MAF: variants seen among roughly 807,000 people sequenced by gnomAD.
MAF encodes transcription factor Maf.
Under a neutral mutation model 22.0 loss-of-function variants are expected in MAF, and 10 were observed. The observed-to-expected ratio is 0.45, with a 90% confidence interval of 0.28 to 0.77. The LOEUF is 0.77. MAF is among the 30% of genes least tolerant of loss of function. MAF has a pLI of 0.12. For synonymous variants in MAF, 337 were observed against 255.8 expected, an observed-to-expected ratio of 1.32 and a Z score of -3.03; for missense variants, 544 against 548.4, an observed-to-expected ratio of 0.99 and a Z score of 0.08.
chr16:79,548,959 G>A, the MAF span, among the ~76,000 whole-genome samples: 1 of 152,150 alleles, frequency 6.6e-6, no homozygotes, highest in East Asian at 1.9e-4. Flanking sequence ...CTGGGATGAT[G>A]ACATCTTCTA....
chr16:79,378,198 T>A, the MAF span, among the ~76,000 whole-genome samples: 2 of 152,154 alleles, frequency 1.3e-5, no homozygotes, highest in African/African-American at 4.8e-5. Context: ...ACAAGAACAT[T>A]TGCAGCAGTA....
the MAF span, among the ~76,000 whole-genome samples, chr16:79,529,560 T>C: frequency 6.6e-6 from 1 of 152,152 alleles, no homozygotes; most frequent in Non-Finnish European, 1.5e-5. Flanking sequence ...CAGAGGGTGT[T>C]TTGGAAGAGT....
At chr16:79,475,627 A>G in the MAF span, among the ~76,000 whole-genome samples, 2 of 152,190 alleles carry the variant, frequency 1.3e-5, no homozygotes, top group African/African-American at 4.8e-5. Flanking sequence ...TTAACTATTC[A>G]TAAGGGTGTG....
chr16:79,439,160 G>A, the MAF span, among the ~76,000 whole-genome samples: 12 of 151,660 alleles, frequency 7.9e-5, no homozygotes, highest in Admixed American at 2.0e-4. Context: ...GTTCATTTAC[G>A]TACCAAGAAT....
At chr16:79,476,435 G>A in the MAF span, among the ~76,000 whole-genome samples, 12 of 152,318 alleles carry the variant, frequency 7.9e-5, no homozygotes, top group African/African-American at 2.9e-4. Context: ...AAATTTTTCT[G>A]CAATAGAAAG....
chr16:79,549,138 A>G, the MAF span, among the ~76,000 whole-genome samples: 1 of 152,234 alleles, frequency 6.6e-6, no homozygotes, highest in Non-Finnish European at 1.5e-5. Flanking sequence ...GCATACATAT[A>G]GTTAATGGGA....
chr16:79,212,361 G>A, the MAF span: 34 of 572,394 alleles, frequency 5.9e-5, no homozygotes, highest in East Asian at 8.6e-4. Context: ...ACACCCAGAG[G>A]GAGTAGAATA....
At chr16:79,504,547 A>C in the MAF span, among the ~76,000 whole-genome samples, 1 of 152,178 alleles carries the variant, frequency 6.6e-6, no homozygotes, top group Non-Finnish European at 1.5e-5. Flanking sequence ...ACAATTACCC[A>C]ATAATTCTTA....
the MAF span, among the ~76,000 whole-genome samples, chr16:79,496,757 G>T: frequency 6.6e-6 from 1 of 152,258 alleles, no homozygotes; most frequent in South Asian, 2.1e-4. Flanking sequence ...ACACACCAGT[G>T]GAAAGAGTAG....
the MAF span, among the ~76,000 whole-genome samples, chr16:79,542,931 G>C: frequency 2.0e-5 from 3 of 152,200 alleles, no homozygotes; most frequent in Non-Finnish European, 4.4e-5. Flanking sequence ...TAATAGTAAA[G>C]AAATTATCCC....
the MAF span, among the ~76,000 whole-genome samples, chr16:79,406,490 G>C: frequency 6.6e-6 from 1 of 152,166 alleles, no homozygotes; most frequent in Non-Finnish European, 1.5e-5. Context: ...CAGGTTCATA[G>C]ATGGTGCCTT....
the MAF span, among the ~76,000 whole-genome samples, chr16:79,223,849 G>A: frequency 6.6e-6 from 1 of 152,152 alleles, no homozygotes; most frequent in Non-Finnish European, 1.5e-5. Flanking sequence ...AACAAGTTCT[G>A]AAATTGAGGG....
the MAF span, chr16:79,206,223 C>A: frequency 2.0e-5 from 3 of 152,254 alleles, no homozygotes; most frequent in African/African-American, 7.2e-5. Context: ...CATGGCCAGA[C>A]ATGGCCTGGC....
chr16:79,206,464 A>C, the MAF span: 2 of 152,208 alleles, frequency 1.3e-5, no homozygotes, highest in Admixed American at 1.3e-4. Context: ...AAATAAATGG[A>C]AATACTAACT....
At chr16:79,595,034 C>T in intron 1 of MAF, 1 of 1,055,454 alleles carries the variant, frequency 9.5e-7, no homozygotes, top group Non-Finnish European at 1.1e-6. Context: ...AGAATGTTTG[C>T]CTAAAATCTT....
In MAF at chr16:79,600,015, G is replaced by A. The variant is rs1431818470; in HGVS notation, c.-113C>T. 5 of 1,470,688 alleles carry A rather than the reference G, an allele frequency of 3.4e-6. No individual in the cohort carries two copies. Among genetic ancestry groups the A allele is most frequent in the African/African-American group, 2.8e-5 (2 of 71,862 alleles). 91.1% of individuals were successfully genotyped at this position (1,470,688 alleles called of 1,614,324 possible). On this transcript the variant is annotated 5_prime_UTR_variant, in exon 1 of 2. Coordinates refer to ENST00000326043, the MANE Select transcript of MAF (RefSeq NM_005360.5). ...GTGAGCCAGCTTGCCGGGCTGGGGCGCTTCTAGCTTGCGCGGCGGTGGCTG... is the reference window on the plus strand; with the variant it reads ...GTGAGCCAGCTTGCCGGGCTGGGGCACTTCTAGCTTGCGCGGCGGTGGCTG...
chr16:79,354,157 A>AT, the MAF span, among the ~76,000 whole-genome samples: 1 of 151,772 alleles, frequency 6.6e-6, no homozygotes, highest in Admixed American at 6.6e-5. Context: ...ACCGTGACTA[A>AT]TTTTTTTGGG....
At chr16:79,456,400 G>A in the MAF span, among the ~76,000 whole-genome samples, 1 of 152,126 alleles carries the variant, frequency 6.6e-6, no homozygotes, top group Non-Finnish European at 1.5e-5. Flanking sequence ...ATTCTGTTTG[G>A]TAAAGCACCT....
At chr16:79,204,733 A>T in the MAF span, 31 of 152,196 alleles carry the variant, frequency 2.0e-4, no homozygotes, top group African/African-American at 7.5e-4. Flanking sequence ...TGGCCTTCCC[A>T]GAACAAACAT....
Sources: allele counts gnomAD v4.1 joint callset (sites outside exome capture counted in the v4.1 genomes callset), GRCh38; gene constraint gnomAD v4.1.1; transcripts MANE v1.5; gene names NCBI Gene and HGNC (gene_info 2026-07-23, HGNC 2026-07-21).